SF3B1: variants seen among roughly 807,000 people sequenced by gnomAD.
SF3B1 encodes the protein pre-mRNA processing 10.
Under a neutral mutation model 153.8 loss-of-function variants are expected in SF3B1, and 12 were observed. The ratio of observed to expected loss-of-function variants is 0.08; its 90% CI spans 0.05 to 0.13. The LOEUF is 0.13. Among genes scored for constraint, SF3B1 ranks in the 10% least tolerant of loss-of-function variants. The pLI is 1.00. For synonymous variants in SF3B1, 498 were observed against 525.2 expected, an observed-to-expected ratio of 0.95 and a Z score of 0.71; for missense variants, 513 against 1,606.1, an observed-to-expected ratio of 0.32 and a Z score of 11.63.
chr2:197,398,736 C>T (rs1296590747), intron 20 of SF3B1, 155 bp from the exon 21 acceptor site: 7 of 685,576 alleles, frequency 1.0e-5, no homozygotes, highest in Non-Finnish European at 1.7e-5. Flanking sequence ...GACTCAGAAT[C>T]GTTTTTAACT....
rs558544902 is a variant in SF3B1, at chr2:197,416,953, T to C, written c.496-42A>G. On this transcript the variant is annotated intron_variant, in intron 5 of 24. Transcript: ENST00000335508. ...GTATTTACCTTTAAAATGCTTTCAA[T>C]GTATTTTTCTACCATTAGCGCAATC... is the stretch of plus-strand genomic sequence containing the variant. The C allele has an allele frequency of 7.0e-6, 11 of 1,571,984 alleles. No individual in the cohort carries two copies. The South Asian group carries it at 1.0e-4, about 15-fold the overall frequency.
intron 22 of SF3B1, among the ~76,000 whole-genome samples, chr2:197,397,224 G>A (rs1179084803): frequency 6.6e-6 from 1 of 151,966 alleles, no homozygotes; most frequent in Non-Finnish European, 1.5e-5. Flanking sequence ...GTGCCCAGAT[G>A]CCCAGGTTGG....
At chr2:197,433,178 T>C (rs2085468322) in intron 1 of SF3B1, among the ~76,000 whole-genome samples, 1 of 152,262 alleles carries the variant, frequency 6.6e-6, no homozygotes, top group Admixed American at 6.5e-5. Flanking sequence ...TAAACATTTA[T>C]CATCCCCTGA....
intron 1 of SF3B1, among the ~76,000 whole-genome samples, chr2:197,433,934 G>C (rs1275823720): frequency 2.0e-5 from 3 of 152,156 alleles, no homozygotes; most frequent in Non-Finnish European, 4.4e-5. Flanking sequence ...CCGTTACCCA[G>C]GTTCCCAGAA....
chr2:197,401,897 A>G lies in SF3B1; in HGVS notation c.2224-9T>C. On this transcript the variant is annotated splice_polypyrimidine_tract_variant and intron_variant, in intron 15 of 24. Transcript: ENST00000335508. This position sits in a 1 kb window ranked among gnomAD's most constrained non-coding sequence, Gnocchi z 4.2. Reference sequence around the variant, plus strand: ...AAGAAAGCAGCCAAACCCTATTTTTAAATAAAAAATATATGTACTTTAGTA... The same window carrying G: ...AAGAAAGCAGCCAAACCCTATTTTTGAATAAAAAATATATGTACTTTAGTA... 1.9e-6 allele frequency: 3 copies of G among 1,582,894 alleles called. No individual in the cohort carries two copies. The highest frequency in any genetic ancestry group is 2.6e-6 in the Non-Finnish European group (3 of 1,169,590).
chr2:197,419,515 G>T, intron 4 of SF3B1: 1 of 219,542 alleles, frequency 4.6e-6, no homozygotes, highest in Non-Finnish European at 9.1e-6. Context: ...TGCCCAATTG[G>T]TAGTGTCATT....
At chr2:197,426,858 T>C (rs1011261291) in intron 1 of SF3B1, among the ~76,000 whole-genome samples, 2 of 152,020 alleles carry the variant, frequency 1.3e-5, no homozygotes, top group African/African-American at 4.8e-5. Flanking sequence ...CTCTACCTCA[T>C]ACACAACTAA....
chr2:197,425,582 C>CG (rs1396711220), intron 1 of SF3B1, among the ~76,000 whole-genome samples: 4 of 152,094 alleles, frequency 2.6e-5, no homozygotes, highest in Admixed American at 6.6e-5. Context: ...CTCCCACCCC[C>CG]CCAGCTAAGG....
At chr2:197,431,918 T>C (rs1012615325) in intron 1 of SF3B1, among the ~76,000 whole-genome samples, 5 of 151,574 alleles carry the variant, frequency 3.3e-5, no homozygotes, top group Non-Finnish European at 7.4e-5. Context: ...AGCCCAGGAG[T>C]TCGAGATCAG....
intron 1 of SF3B1, among the ~76,000 whole-genome samples, chr2:197,429,582 G>A (rs1181087191): frequency 6.6e-6 from 1 of 152,078 alleles, no homozygotes; most frequent in Admixed American, 6.6e-5. Context: ...TCAGGAGTTC[G>A]AGACCAGTCT....
intron 6 of SF3B1, among the ~76,000 whole-genome samples, chr2:197,414,957 T>C (rs1216211201): frequency 6.6e-6 from 1 of 151,850 alleles, no homozygotes; most frequent in Non-Finnish European, 1.5e-5. Context: ...TGAGCTATTA[T>C]TGCGCCCCTG....
chr2:197,433,172 C>T (rs1159151352), intron 1 of SF3B1, among the ~76,000 whole-genome samples: 1 of 152,228 alleles, frequency 6.6e-6, no homozygotes, highest in African/African-American at 2.4e-5. Flanking sequence ...TTCTACTAAA[C>T]ATTTATCATC....
chr2:197,414,696 C>T (rs1050544419), intron 6 of SF3B1, among the ~76,000 whole-genome samples: 1 of 152,100 alleles, frequency 6.6e-6, no homozygotes, highest in Non-Finnish European at 1.5e-5. Context: ...ACTATGTAAG[C>T]AGGGAAAGCA....
In SF3B1 at chr2:197,402,245, T is replaced by A. The variant is rs1043201271; in HGVS notation, c.2078-115A>T. 22 of 1,266,070 alleles carry A rather than the reference T, an allele frequency of 1.7e-5. No individual in the cohort carries two copies. Among genetic ancestry groups the A allele is most frequent in the Non-Finnish European group, 2.2e-5 (20 of 927,254 alleles). The allele number at this position is 1,266,070 out of a possible 1,614,324, so 78.4% of individuals were successfully genotyped here. A position where few individuals can be genotyped will look rare whatever the true frequency, so the allele number is the denominator to read the frequency against. On this transcript the variant is annotated intron_variant, in intron 14 of 24. Transcript: ENST00000335508. This position sits in a 1 kb window ranked among gnomAD's most constrained non-coding sequence, Gnocchi z 4.6. ...AGCCAAACTGCAGAATATGTTCACA[T>A]TAAACAAAATTAGGTAAAAGCAAAA...
chr2:197,429,706 C>T (rs1270836898), intron 1 of SF3B1, among the ~76,000 whole-genome samples: 3 of 151,986 alleles, frequency 2.0e-5, no homozygotes, highest in Non-Finnish European at 1.5e-5. Flanking sequence ...ATCGCTTGAA[C>T]CCGGGAGGCG....
intron 6 of SF3B1, among the ~76,000 whole-genome samples, chr2:197,411,966 T>C (rs759166898): frequency 6.6e-6 from 1 of 151,744 alleles, no homozygotes; most frequent in Non-Finnish European, 1.5e-5. Context: ...TAAAAATAGC[T>C]GGGTGTGGTG....
intron 23 of SF3B1, chr2:197,393,417 C>A (rs912389833): frequency 1.9e-6 from 1 of 526,740 alleles, no homozygotes; most frequent in Non-Finnish European, 3.4e-6. Flanking sequence ...ACTCAAGATT[C>A]ACTATGGCTC....
In SF3B1 at chr2:197,390,291, T is replaced by A. The variant is rs901665878; in HGVS notation, c.*2012A>T. On this transcript the variant is annotated 3_prime_UTR_variant, in exon 25 of 25. Transcript: ENST00000335508. ...TAAAGAACCAGAGGCCAAGCAAACG[T>A]AGGCTACTAAGTACTTGAATTGAAA... The A allele has an allele frequency of 6.6e-6, 1 of 152,182 alleles. No homozygotes were observed. Among genetic ancestry groups the A allele is most frequent in the Non-Finnish European group, 1.5e-5 (1 of 68,024 alleles). 9.4% of individuals were successfully genotyped at this position (152,182 alleles called of 1,614,324 possible).
chr2:197,426,683 G>C (rs1350178971), intron 1 of SF3B1, among the ~76,000 whole-genome samples: 1 of 152,048 alleles, frequency 6.6e-6, no homozygotes, highest in African/African-American at 2.4e-5. Context: ...CTTAGGTCTT[G>C]GATACACTAA....
Sources: allele counts gnomAD v4.1 joint callset (sites outside exome capture counted in the v4.1 genomes callset), GRCh38; gene constraint gnomAD v4.1.1; non-coding constraint Gnocchi (gnomAD v3.1); transcripts MANE v1.5; gene names NCBI Gene and HGNC (gene_info 2026-07-23, HGNC 2026-07-21).